PRIMPOL: variants seen among roughly 807,000 people sequenced by gnomAD.
PRIMPOL encodes the protein DNA-directed primase/polymerase protein.
In PRIMPOL, 54 loss-of-function variants were observed where a neutral mutation model predicts 63.6. That is an observed-to-expected ratio of 0.85 (90% CI 0.68 to 1.07). PRIMPOL has a LOEUF of 1.07. Ranked by LOEUF, PRIMPOL falls within the 50% of genes least tolerant of loss-of-function variation. PRIMPOL has a pLI of 0.00. For missense variants in PRIMPOL, 610 were observed against 648.3 expected (o/e 0.94, Z 0.64); for synonymous variants, 197 against 220.2 (o/e 0.89, Z 0.93).
intron 5 of PRIMPOL, among the ~76,000 whole-genome samples, chr4:184,664,198 A>C (rs1478758269): frequency 6.6e-6 from 1 of 152,224 alleles, no homozygotes; most frequent in African/African-American, 2.4e-5. Flanking sequence ...TCCTACCTAA[A>C]GCATCACTAA....
At chr4:184,680,733 G>A (rs1440960833) in intron 8 of PRIMPOL, among the ~76,000 whole-genome samples, 2 of 152,056 alleles carry the variant, frequency 1.3e-5, no homozygotes, top group African/African-American at 2.4e-5. Flanking sequence ...CCTATCTTAC[G>A]GAGTTGTCGA....
chr4:184,672,564 C>T (rs72689278), intron 7 of PRIMPOL, 104 bp downstream of exon 7: 133,843 of 1,140,002 alleles, frequency 0.12, 8,650 homozygotes, highest in Middle Eastern at 0.13. Flanking sequence ...GCTTCCTCCA[C>T]TGCCCAAGTC....
At chr4:184,678,525 C>A in intron 8 of PRIMPOL, 131 bp downstream of exon 8, 16 of 338,492 alleles carry the variant, frequency 4.7e-5, no homozygotes, top group Non-Finnish European at 7.7e-5. Context: ...TCTTACAGCT[C>A]TTTTTTTTTT....
intron 5 of PRIMPOL, 130 bp downstream of exon 5, chr4:184,662,033 T>C (rs2150054620): frequency 2.7e-6 from 2 of 734,228 alleles, no homozygotes; most frequent in Non-Finnish European, 4.0e-6. Flanking sequence ...CTTTTGACTT[T>C]AGGATTTTTT....
chr4:184,657,536 G>A, intron 3 of PRIMPOL: 2 of 445,386 alleles, frequency 4.5e-6, no homozygotes, highest in Non-Finnish European at 7.9e-6. Context: ...ATTTATATTA[G>A]TAATGAAAAA....
At chr4:184,677,462 C>A (rs1754396757) in intron 7 of PRIMPOL, among the ~76,000 whole-genome samples, 1 of 152,110 alleles carries the variant, frequency 6.6e-6, no homozygotes, top group African/African-American at 2.4e-5. Context: ...GTTTCTAGAC[C>A]CTGTTCTGCT....
At chr4:184,660,370 G>A (rs755464804) in intron 4 of PRIMPOL, among the ~76,000 whole-genome samples, 5 of 151,590 alleles carry the variant, frequency 3.3e-5, no homozygotes, top group Non-Finnish European at 4.4e-5. Flanking sequence ...TAGTAGAGAC[G>A]GGATTTCATT....
chr4:184,671,897 CG>C (rs1561001622), intron 6 of PRIMPOL, among the ~76,000 whole-genome samples: 3 of 151,646 alleles, frequency 2.0e-5, no homozygotes, highest in Non-Finnish European at 2.9e-5. Context: ...CGCACCACCA[CG>C]CCCTGCTAAT....
Position 184,657,258 on chromosome 4 carries a change from T to A in PRIMPOL, c.118T>A (p.Ser40Thr). Residue 40 changes from serine (S) to threonine (T), a missense_variant, in exon 3 of 14, where the codon TCC becomes ACC. By Grantham distance (58) the Ser-to-Thr change is moderately conservative (BLOSUM62 1). This residue lies in a region of PRIMPOL where 159 missense variants were observed against 168.9 expected (regional missense o/e 0.94). Transcript: ENST00000314970. The stretch of plus-strand genomic sequence containing the variant: ...ATTGTCCAAGCCAGAAGAACCACCC[T>A]CCATCTGGAGACTATTTCATCGACA... ...PRLSKPEEPP[S>T]IWRLFHRQAQ... 2 of 1,613,892 alleles carry A rather than the reference T, an allele frequency of 1.2e-6. No homozygotes were observed. The highest frequency in any genetic ancestry group is 1.7e-4 in the Middle Eastern group (1 of 6,058).
At chr4:184,665,825 C>A in intron 5 of PRIMPOL, 92 bp from the exon 6 acceptor site, 1 of 805,636 alleles carries the variant, frequency 1.2e-6, no homozygotes, top group South Asian at 2.3e-5. Context: ...GACTTTTTAA[C>A]TCATAGATGA....
intron 5 of PRIMPOL, among the ~76,000 whole-genome samples, chr4:184,665,093 C>T (rs1463551481): frequency 6.6e-6 from 1 of 152,140 alleles, no homozygotes; most frequent in Non-Finnish European, 1.5e-5. Context: ...CATGGTAGTT[C>T]TTAGTAGCTT....
chr4:184,692,874 T>G (rs1759216685), intron 13 of PRIMPOL, among the ~76,000 whole-genome samples: 1 of 152,224 alleles, frequency 6.6e-6, no homozygotes, highest in African/African-American at 2.4e-5. Context: ...AATGAACTTT[T>G]TTCGGATTCA....
chr4:184,653,687 C>G (rs367847038), intron 2 of PRIMPOL, among the ~76,000 whole-genome samples: 1 of 151,734 alleles, frequency 6.6e-6, no homozygotes, highest in African/African-American at 2.4e-5. Flanking sequence ...AGTTTTCCTT[C>G]GGAACTTGGA....
At chr4:184,677,527 ACGACACTGT>A (rs1754421010) in intron 7 of PRIMPOL, among the ~76,000 whole-genome samples, 13 of 7,902 alleles carry the variant, frequency 1.6e-3, no homozygotes, top group South Asian at 0.02. Flanking sequence ...TTAGATAGGC[ACGACACTGT>A]CTAATATAGT....
intron 11 of PRIMPOL, among the ~76,000 whole-genome samples, chr4:184,688,479 G>C (rs1421993619): frequency 1.3e-5 from 2 of 152,194 alleles, no homozygotes; most frequent in Non-Finnish European, 2.9e-5. Flanking sequence ...CCAGTGTCAA[G>C]CTTTACTAAT....
Position 184,672,258 on chromosome 4 carries a change from T to TG in PRIMPOL, c.644dup (p.Phe216IlefsTer17). ...ATAGCGCTCCAGAGACAACAGGCCATGGATTTCCCCATTTTTCAGAAGCAC... is the reference window on the plus strand; with the variant it reads ...ATAGCGCTCCAGAGACAACAGGCCATGGGATTTCCCCATTTTTCAGAAGCAC... On this transcript the variant is annotated frameshift_variant, in exon 7 of 14. Coordinates refer to ENST00000314970, the MANE Select transcript of PRIMPOL (RefSeq NM_152683.4). LOFTEE classifies it high-confidence loss of function. The TG allele has an allele frequency of 6.2e-7, 1 of 1,614,108 alleles. No homozygotes were observed. The highest frequency in any genetic ancestry group is 2.2e-5 in the East Asian group (1 of 44,882).
intron 13 of PRIMPOL, chr4:184,694,315 C>G: frequency 7.5e-7 from 1 of 1,330,920 alleles, no homozygotes; most frequent in South Asian, 2.2e-5. Context: ...TTTGGAGTTT[C>G]AAGTGTGTCT....
At chr4:184,650,809 A>G (rs780389129) in intron 1 of PRIMPOL, among the ~76,000 whole-genome samples, 8 of 152,224 alleles carry the variant, frequency 5.3e-5, no homozygotes, top group Non-Finnish European at 1.2e-4. Flanking sequence ...ACTTGCGCCT[A>G]TTCGACTATA....
chr4:184,691,712 G>C lies in PRIMPOL; in HGVS notation c.1425G>C (p.Glu475Asp). The C allele has an allele frequency of 6.2e-7, 1 of 1,610,064 alleles. No homozygotes were observed. The highest frequency in any genetic ancestry group is 8.5e-7 in the Non-Finnish European group (1 of 1,176,796). The stretch of plus-strand genomic sequence containing the variant: ...TATGTCTCCTGTTTCTTTTCAAAGA[G>C]GTAAGTACAGATTTTAGTGTCTTTC... ...AEVCLLFLFK[E>D]EEEFTTDEAD... The change falls in exon 13 of 14, where the codon GAG (glutamate) becomes GAC (aspartate). Residue 475 changes from glutamate to aspartate, a missense_variant and splice_region_variant. Coordinates refer to ENST00000314970, the MANE Select transcript of PRIMPOL (RefSeq NM_152683.4).
Sources: gnomAD v4.1 joint callset for allele counts (sites outside exome capture counted in the v4.1 genomes callset) on GRCh38, gnomAD v4.1.1 for gene constraint, gnomAD v4.1.1 regional missense constraint, MANE v1.5 for transcripts, NCBI Gene and HGNC (gene_info 2026-07-23, HGNC 2026-07-21) for gene names.